Variants in BCL6 observed in about 807,000 individuals in gnomAD.
BCL6 encodes the protein BCL6 transcription repressor, also known as B-cell lymphoma 6 protein.
BCL6 carries 7 observed loss-of-function variants against 59.5 expected under a neutral mutation model. The observed-to-expected ratio is 0.12, with a 90% confidence interval of 0.07 to 0.22. BCL6 has a LOEUF of 0.22. Ranked by LOEUF, BCL6 falls within the 10% of genes least tolerant of loss-of-function variation. The probability of loss-of-function intolerance (pLI) is 1.00; values close to 1 mark genes in which losing one functional copy is unlikely to be tolerated. For missense variants in BCL6, 685 were observed against 939.4 expected, an observed-to-expected ratio of 0.73 and a Z score of 3.54; for synonymous variants, 339 against 349.7, an observed-to-expected ratio of 0.97 and a Z score of 0.34.
Position 187,729,382 on chromosome 3 carries a change from G to C in BCL6, c.1023C>G (p.Pro341=). The part of the protein sequence containing the change: ...PQSPQKSDCQ[P]NSPTESCSSK... ...TGCTGCAGGACTCTGTGGGCGAGTTGGGCTGGCAGTCAGATTTCTGGGGGC... is the reference window on the plus strand; with the variant it reads ...TGCTGCAGGACTCTGTGGGCGAGTTCGGCTGGCAGTCAGATTTCTGGGGGC... The change falls in exon 5 of 10, where the codon CCC becomes CCG. Residue 341 remains proline (P), a synonymous_variant. Transcript: ENST00000406870. The surrounding 1 kb of genome is among the most constrained non-coding windows in gnomAD (Gnocchi z 5.6). The C allele has an allele frequency of 6.2e-7, 1 of 1,613,472 alleles. No individual in the cohort carries two copies. Among genetic ancestry groups the C allele is most frequent in the Non-Finnish European group, 8.5e-7 (1 of 1,179,802 alleles).
chr3:187,729,747 C>T lies in BCL6; in HGVS notation c.658G>A (p.Val220Met). Residue 220 changes from valine to methionine, a missense_variant, in exon 5 of 10, where the codon GTG becomes ATG. Transcript: ENST00000406870. This position sits in a 1 kb window ranked among gnomAD's most constrained non-coding sequence, Gnocchi z 5.6. ...CGCTCCTTGGGGAAGGGGTTGGCCA[C>T]AGGCATCCGGACATCCCGAAACTCC... is the stretch of plus-strand genomic sequence containing the variant. Reference protein sequence around the residue: ...DEEFRDVRMPVANPFPKERAL... With the variant: ...DEEFRDVRMPMANPFPKERAL... The T allele has an allele frequency of 6.2e-7, 1 of 1,614,164 alleles. No homozygotes were observed. Among genetic ancestry groups the T allele is most frequent in the Non-Finnish European group, 8.5e-7 (1 of 1,180,036 alleles).
intron 1 of BCL6, among the ~76,000 whole-genome samples, chr3:187,744,509 T>C (rs559162459): frequency 6.6e-6 from 1 of 151,740 alleles, no homozygotes; most frequent in South Asian, 2.1e-4. Flanking sequence ...TCGGCTCTCA[T>C]TAGGAAGATC....
intron 1 of BCL6, among the ~76,000 whole-genome samples, chr3:187,744,819 A>T (rs539697145): frequency 6.6e-6 from 1 of 152,218 alleles, no homozygotes; most frequent in Admixed American, 6.5e-5. Context: ...GGAGCAAGGA[A>T]AGCAGTTTGC....
Position 187,729,724 on chromosome 3 carries a change from C to T in BCL6, c.681G>A (p.Glu227=), listed in dbSNP as rs373259487. The change falls in exon 5 of 10, where the codon GAG becomes GAA. Residue 227 remains glutamate (E), a synonymous_variant. Transcript: ENST00000406870. The surrounding 1 kb of genome is among the most constrained non-coding windows in gnomAD (Gnocchi z 5.6). ...TGGCACTATCACATGGGAGTGCCCG[C>T]TCCTTGGGGAAGGGGTTGGCCACAG... ...RMPVANPFPK[E]RALPCDSARP... 62 of 1,614,052 alleles carry T rather than the reference C, an allele frequency of 3.8e-5. No homozygotes were observed. Among genetic ancestry groups the T allele is most frequent in the Non-Finnish European group, 4.8e-5 (57 of 1,180,028 alleles).
intron 2 of BCL6, among the ~76,000 whole-genome samples, chr3:187,734,256 T>C (rs768815666): frequency 2.0e-5 from 3 of 152,162 alleles, no homozygotes; most frequent in Non-Finnish European, 4.4e-5. Flanking sequence ...TTGGCCAGGC[T>C]GGGTCTCAAA....
chr3:187,729,008 A>G lies in BCL6; in HGVS notation c.1355+42T>C. The G allele has an allele frequency of 6.6e-7, 1 of 1,508,468 alleles. No homozygotes were observed. The highest frequency in any genetic ancestry group is 8.8e-7 in the Non-Finnish European group (1 of 1,130,810). 93.4% of individuals were successfully genotyped at this position (1,508,468 alleles called of 1,614,324 possible). A position where few individuals can be genotyped will look rare whatever the true frequency, so the allele number is the denominator to read the frequency against. ...GAAGAAACGACATGGAACCCTGCCC[A>G]GGTAACCCCTGACCTCAGACCCAGA... On this transcript the variant is annotated intron_variant, in intron 5 of 9. Coordinates refer to ENST00000406870, the MANE Select transcript of BCL6 (RefSeq NM_001706.5). The surrounding 1 kb of genome is among the most constrained non-coding windows in gnomAD (Gnocchi z 5.6).
intron 1 of BCL6, among the ~76,000 whole-genome samples, chr3:187,745,194 TTTAACAC>T: frequency 6.6e-6 from 1 of 152,296 alleles, no homozygotes; most frequent in South Asian, 2.1e-4. Context: ...CGGCATTTAT[TTTAACAC>T]CTGACAGCTA....
intron 1 of BCL6, among the ~76,000 whole-genome samples, chr3:187,744,765 G>A (rs906468537): frequency 2.0e-5 from 3 of 152,022 alleles, no homozygotes; most frequent in African/African-American, 7.2e-5. Flanking sequence ...AGGAAGAAGA[G>A]GCGAGGAAAA....
Position 187,724,108 on chromosome 3 carries a change from A to T in BCL6, c.1977+833T>A, listed in dbSNP as rs570790330. 6.6e-5 allele frequency among the ~76,000 whole-genome samples: 10 copies of T among 152,312 alleles called. No homozygotes were observed. In the South Asian group the frequency reaches 2.1e-3, roughly 32 times the overall value. On this transcript the variant is annotated intron_variant, in intron 9 of 9. Coordinates refer to ENST00000406870, the MANE Select transcript of BCL6 (RefSeq NM_001706.5). Reference sequence around the variant, plus strand: ...TTTTGCAGGTTAACCTCCGGTATGTAGGTTAACCATTCATTGATTACTTCT... The same window carrying T: ...TTTTGCAGGTTAACCTCCGGTATGTTGGTTAACCATTCATTGATTACTTCT...
At chr3:187,741,570 G>T (rs529907317) in intron 1 of BCL6, among the ~76,000 whole-genome samples, 1 of 152,170 alleles carries the variant, frequency 6.6e-6, no homozygotes, top group South Asian at 2.1e-4. Flanking sequence ...GTTGGGAGGG[G>T]CCGTTCCTGG....
intron 1 of BCL6, chr3:187,737,370 AG>A (rs1719333132): frequency 3.4e-5 from 5 of 145,710 alleles, no homozygotes; most frequent in African/African-American, 1.1e-4. Context: ...AGAGAGAGAG[AG>A]AGAGAGAGAG....
intron 6 of BCL6, among the ~76,000 whole-genome samples, chr3:187,727,158 G>A (rs1718753010): frequency 6.6e-6 from 1 of 152,248 alleles, no homozygotes; most frequent in Non-Finnish European, 1.5e-5. Context: ...ACCAACAGGT[G>A]CTCAGAGGGC....
intron 1 of BCL6, among the ~76,000 whole-genome samples, chr3:187,740,968 A>G (rs145553352): frequency 0.011 from 1,606 of 152,170 alleles, 111 homozygotes; most frequent in Admixed American, 0.096. Context: ...TGGTCAGGGT[A>G]CCGCCGCCCG....
At position 187,728,439 on chromosome 3, in the gene BCL6, C is replaced by G; in HGVS notation, c.1461G>C (p.Glu487Asp). Residue 487 changes from glutamate (E) to aspartate (D), a missense_variant, in exon 6 of 10, where the codon GAG becomes GAC. By Grantham distance (45) the Glu-to-Asp change is conservative. Transcript: ENST00000406870. ...TGGGGCCAGCGGTGTGGAGGCACAT[C>G]TCTGCATGCTGTGGGGACTGAGAGC... ...SCGSQSPQHAEMCLHTAGPTF... is the reference protein window; with the variant it reads ...SCGSQSPQHADMCLHTAGPTF... The G allele has an allele frequency of 6.2e-7, 1 of 1,612,844 alleles. No individual in the cohort carries two copies.
chr3:187,731,651 T>G (rs1375618290), intron 4 of BCL6, 58 bp downstream of exon 4: 1 of 1,546,184 alleles, frequency 6.5e-7, no homozygotes, highest in African/African-American at 1.4e-5. Context: ...TTATCAAAGG[T>G]TTCTGATCGG....
At chr3:187,742,127 A>T (rs925420298) in intron 1 of BCL6, among the ~76,000 whole-genome samples, 1 of 152,066 alleles carries the variant, frequency 6.6e-6, no homozygotes, top group South Asian at 2.1e-4. Flanking sequence ...TGGGGGAAAA[A>T]TGTTTCATAA....
intron 1 of BCL6, among the ~76,000 whole-genome samples, chr3:187,744,621 C>G (rs1239284630): frequency 6.6e-6 from 1 of 152,132 alleles, no homozygotes; most frequent in South Asian, 2.1e-4. Context: ...GCATTTTTTC[C>G]TTCCAAATCT....
intron 9 of BCL6, among the ~76,000 whole-genome samples, chr3:187,724,018 C>T (rs1718545851): frequency 6.6e-6 from 1 of 152,068 alleles, no homozygotes; most frequent in African/African-American, 2.4e-5. Context: ...AACGAATTTG[C>T]CCAAACAGCA....
At chr3:187,745,315 T>A in intron 1 of BCL6, 95 bp downstream of exon 1, 1 of 399,828 alleles carries the variant, frequency 2.5e-6, no homozygotes, top group Non-Finnish European at 4.4e-6. Context: ...GGTAAAATAA[T>A]GATCATGAGC....
Sources: allele counts gnomAD v4.1 joint callset (sites outside exome capture counted in the v4.1 genomes callset), GRCh38; gene constraint gnomAD v4.1.1; non-coding constraint Gnocchi (gnomAD v3.1); transcripts MANE v1.5; gene names NCBI Gene and HGNC (gene_info 2026-07-23, HGNC 2026-07-21).